EFHC1: variants seen among roughly 807,000 people sequenced by gnomAD.
EFHC1 encodes EF-hand domain containing 1, also known as EF-hand domain-containing protein 1.
EFHC1 carries 53 observed loss-of-function variants against 69.9 expected under a neutral mutation model. That is an observed-to-expected ratio of 0.76 (90% CI 0.61 to 0.95). The LOEUF is 0.95. EFHC1 is among the 40% of genes least tolerant of loss of function. EFHC1 has a pLI of 0.00. For missense variants in EFHC1, 739 were observed against 798.7 expected, an observed-to-expected ratio of 0.93 and a Z score of 0.90; for synonymous variants, 256 against 278.4, an observed-to-expected ratio of 0.92 and a Z score of 0.80.
intron 9 of EFHC1, chr6:52,481,732 A>G (rs1164700102): frequency 6.6e-6 from 1 of 152,200 alleles, no homozygotes; most frequent in African/African-American, 2.4e-5. Flanking sequence ...TGTTGCCCAG[A>G]ACTCCTGGGC....
intron 2 of EFHC1, among the ~76,000 whole-genome samples, chr6:52,428,878 G>A (rs1383729482): frequency 6.6e-6 from 1 of 152,060 alleles, no homozygotes; most frequent in Non-Finnish European, 1.5e-5. Flanking sequence ...TTTTGATTAT[G>A]GCCATTCTTG....
intron 9 of EFHC1, chr6:52,482,002 T>C (rs1765687267): frequency 6.6e-6 from 1 of 152,110 alleles, no homozygotes; most frequent in East Asian, 1.9e-4. Context: ...TGCAAAACAA[T>C]TTTAATAATC....
Position 52,490,218 on chromosome 6 carries a change from C to T in EFHC1, c.1719C>T (p.His573=). 1 of 1,614,136 alleles carries T rather than the reference C, an allele frequency of 6.2e-7. No individual in the cohort carries two copies. The highest frequency in any genetic ancestry group is 1.1e-5 in the South Asian group (1 of 91,084). Reference sequence around the variant, plus strand: ...CAATTCAGAAGCAACTGAAAGATCACTCATGCAAAGACAACATTCGTGAGG... The same window carrying T: ...CAATTCAGAAGCAACTGAAAGATCATTCATGCAAAGACAACATTCGTGAGG... ...IDTIQKQLKD[H]SCKDNIREAF... Residue 573 remains histidine, a synonymous_variant, in exon 10 of 11, where the codon CAC becomes CAT. Transcript: ENST00000371068.
intron 6 of EFHC1, among the ~76,000 whole-genome samples, chr6:52,466,942 C>T (rs1765318802): frequency 1.3e-5 from 2 of 152,176 alleles, no homozygotes; most frequent in Admixed American, 6.5e-5. Context: ...GATAAACCCT[C>T]TCCTGGTGTA....
rs116665362 is a variant in EFHC1 at position 52,470,876 on chromosome 6, T to G, written c.1278+1403T>G. On this transcript the variant is annotated intron_variant, in intron 7 of 10. Coordinates refer to ENST00000371068, the MANE Select transcript of EFHC1 (RefSeq NM_018100.4). Reference sequence around the variant, plus strand: ...AATTTCTTTTGATTGCAGCCTTCTGTACTCACAAGCAACCTGGTCAAACAT... The same window carrying G: ...AATTTCTTTTGATTGCAGCCTTCTGGACTCACAAGCAACCTGGTCAAACAT... 7.2e-3 allele frequency among the ~76,000 whole-genome samples: 1,092 copies of G among 152,346 alleles called. 21 individuals carry two copies. Among genetic ancestry groups the G allele is most frequent in the African/African-American group, 0.025 (1,030 of 41,580 alleles).
intron 7 of EFHC1, among the ~76,000 whole-genome samples, chr6:52,470,239 A>G (rs1454186358): frequency 6.6e-6 from 1 of 152,230 alleles, no homozygotes; most frequent in African/African-American, 2.4e-5. Context: ...ACGATTGCAC[A>G]AAGCTTTAAA....
intron 5 of EFHC1, 151 bp downstream of exon 5, chr6:52,454,438 C>T (rs1764994457): frequency 1.1e-6 from 1 of 939,180 alleles, no homozygotes; most frequent in Admixed American, 2.1e-5. Context: ...CAGCTTTCCT[C>T]CTTTACTTGC....
intron 9 of EFHC1, chr6:52,482,967 T>C: frequency 2.5e-6 from 1 of 397,412 alleles, no homozygotes; most frequent in Admixed American, 4.4e-5. Flanking sequence ...TTTCCATTTT[T>C]GTAAAATAAA....
chr6:52,486,811 C>T (rs1765796287), intron 9 of EFHC1: 1 of 152,128 alleles, frequency 6.6e-6, no homozygotes, highest in African/African-American at 2.4e-5. Flanking sequence ...GCTCCAGAAT[C>T]TTTTTGACTT....
intron 7 of EFHC1, among the ~76,000 whole-genome samples, chr6:52,470,415 T>C (rs534907786): frequency 1.4e-4 from 21 of 152,342 alleles, no homozygotes; most frequent in Non-Finnish European, 2.5e-4. Context: ...TGAATTATTA[T>C]ATGGTAACTA....
In EFHC1 at chr6:52,492,614, A is replaced by T. The variant is rs547492259; in HGVS notation, c.*273A>T. 22 of 553,400 alleles carry T rather than the reference A, an allele frequency of 4.0e-5. No individual in the cohort carries two copies. The highest frequency in any genetic ancestry group is 3.0e-4 in the African/African-American group (16 of 53,448). The allele number at this position is 553,400 out of a possible 1,614,324, so 34.3% of individuals were successfully genotyped here. ...CCAAATATTTCCTTTCTTTCTTTTT[A>T]AAAAAATAAATTTTTTTAGAGATGG... On this transcript the variant is annotated 3_prime_UTR_variant, in exon 11 of 11. Coordinates refer to ENST00000371068, the MANE Select transcript of EFHC1 (RefSeq NM_018100.4).
intron 2 of EFHC1, among the ~76,000 whole-genome samples, chr6:52,426,993 C>T (rs1292775318): frequency 6.6e-6 from 1 of 152,174 alleles, no homozygotes; most frequent in Non-Finnish European, 1.5e-5. Context: ...ATACAGTAAA[C>T]ATTACCACCA....
intron 5 of EFHC1, among the ~76,000 whole-genome samples, chr6:52,457,975 T>C (rs1562454594): frequency 1.3e-5 from 2 of 152,232 alleles, no homozygotes; most frequent in South Asian, 4.1e-4. Flanking sequence ...ATAAGCCCCA[T>C]ATCTCAAAGA....
At chr6:52,421,088 T>C (rs890690331) in intron 1 of EFHC1, 11 of 970,692 alleles carry the variant, frequency 1.1e-5, no homozygotes, top group African/African-American at 3.5e-5. Context: ...CTTTCTTCTT[T>C]ATGCTTGCAT....
At chr6:52,421,884 G>C (rs1229557883) in intron 1 of EFHC1, among the ~76,000 whole-genome samples, 2 of 152,180 alleles carry the variant, frequency 1.3e-5, no homozygotes, top group Non-Finnish European at 1.5e-5. Context: ...GTTGATACAG[G>C]GAATTACAGA....
intron 7 of EFHC1, among the ~76,000 whole-genome samples, chr6:52,470,449 T>C (rs1211001613): frequency 2.6e-5 from 4 of 152,248 alleles, no homozygotes; most frequent in African/African-American, 9.6e-5. Flanking sequence ...GCAGGAATCA[T>C]GTCCTTCTAG....
chr6:52,491,565 C>A (rs1280848858), intron 10 of EFHC1, among the ~76,000 whole-genome samples: 1 of 151,456 alleles, frequency 6.6e-6, no homozygotes, highest in Non-Finnish European at 1.5e-5. Context: ...GATGTTAGTT[C>A]TGAAATCTTG....
intron 2 of EFHC1, among the ~76,000 whole-genome samples, chr6:52,431,121 A>G (rs1342359114): frequency 6.6e-6 from 1 of 151,770 alleles, no homozygotes; most frequent in Non-Finnish European, 1.5e-5. Context: ...TGGTCTATCA[A>G]TTTTATGTAG....
At chr6:52,486,338 A>T (rs1765785746) in intron 9 of EFHC1, 1 of 152,194 alleles carries the variant, frequency 6.6e-6, no homozygotes, top group East Asian at 1.9e-4. Context: ...TTTTGAACTC[A>T]AGACTTAAGG....
Sources: allele counts gnomAD v4.1 joint callset (sites outside exome capture counted in the v4.1 genomes callset), GRCh38; gene constraint gnomAD v4.1.1; transcripts MANE v1.5; gene names NCBI Gene and HGNC (gene_info 2026-07-23, HGNC 2026-07-21).